FBN1: variants seen among roughly 807,000 people sequenced by gnomAD.
FBN1 encodes the protein fibrillin 1.
Under a neutral mutation model 365.1 loss-of-function variants are expected in FBN1, and 29 were observed. That is an observed-to-expected ratio of 0.08 (90% confidence interval 0.06 to 0.11). The LOEUF is 0.11. FBN1 is among the 10% of genes least tolerant of loss of function. The probability of loss-of-function intolerance (pLI) is 1.00; values close to 1 mark genes in which losing one functional copy is unlikely to be tolerated. For synonymous variants in FBN1, 1,210 were observed against 1,270.5 expected (o/e 0.95, Z 1.01); for missense variants, 2,476 against 3,703.2 (o/e 0.67, Z 8.60).
intron 6 of FBN1, among the ~76,000 whole-genome samples, chr15:48,574,709 G>A (rs2044332433): frequency 6.6e-6 from 1 of 152,136 alleles, no homozygotes; most frequent in Non-Finnish European, 1.5e-5. Flanking sequence ...TCCAAGAAAT[G>A]TTAATAAAAT....
chr15:48,512,731 G>A (rs1051090250), intron 13 of FBN1, among the ~76,000 whole-genome samples: 4 of 151,376 alleles, frequency 2.6e-5, no homozygotes, highest in Admixed American at 6.6e-5. Context: ...ATCATTGATG[G>A]GCCCTTTTAT....
chr15:48,570,005 A>G (rs907137860), intron 6 of FBN1, among the ~76,000 whole-genome samples: 3 of 152,200 alleles, frequency 2.0e-5, no homozygotes, highest in Non-Finnish European at 2.9e-5. Context: ...TCAATTCACA[A>G]ACCAATTCTT....
At chr15:48,417,469 T>TTCCTTCCTTCCC (rs752328232) in intron 63 of FBN1, among the ~76,000 whole-genome samples, 1 of 33,544 alleles carries the variant, frequency 3.0e-5, no homozygotes, top group African/African-American at 8.1e-5. Context: ...CCTTCCTTCC[T>TTCCTTCCTTCCC]TTCCTTCCTT....
At chr15:48,523,725 A>T (rs966529462) in intron 9 of FBN1, among the ~76,000 whole-genome samples, 3 of 138,052 alleles carry the variant, frequency 2.2e-5, no homozygotes, top group Admixed American at 7.0e-5. Flanking sequence ...GGGGGGGGGA[A>T]CCGTTGTGGT....
At chr15:48,586,480 C>G (rs2044435801) in intron 6 of FBN1, among the ~76,000 whole-genome samples, 1 of 152,174 alleles carries the variant, frequency 6.6e-6, no homozygotes, top group Non-Finnish European at 1.5e-5. Context: ...ACTCCTAGTT[C>G]TAGAAGTAGT....
chr15:48,572,257 C>T (rs184081932), intron 6 of FBN1, among the ~76,000 whole-genome samples: 125 of 152,186 alleles, frequency 8.2e-4, no homozygotes, highest in Middle Eastern at 6.8e-3. Flanking sequence ...AAATTCTGAA[C>T]ATTATAAATG....
rs548296552 is a variant in FBN1, at chr15:48,490,007, G to A, written c.2926C>T (p.Arg976Cys). The change falls in exon 25 of 66, where the codon CGC (arginine) becomes TGC (cysteine). Residue 976 changes from arginine (R) to cysteine (C), a missense_variant. Coordinates refer to ENST00000316623, the MANE Select transcript of FBN1 (RefSeq NM_000138.5). ...ECTLPIAGRH[R>C]MDACCCSVGA... is the part of the protein sequence containing the mutation. ...ACGGAGCAGCAGCAGGCGTCCATGC[G>A]GTGGCGGCCAGCAATAGGCAGGGTG... The A allele has an allele frequency of 1.3e-5, 21 of 1,614,072 alleles. No individual in the cohort carries two copies. Among genetic ancestry groups the A allele is most frequent in the South Asian group, 6.6e-5 (6 of 91,072 alleles).
intron 4 of FBN1, among the ~76,000 whole-genome samples, chr15:48,607,144 A>T (rs1051007144): frequency 1.3e-5 from 2 of 152,194 alleles, no homozygotes; most frequent in Admixed American, 1.3e-4. Context: ...ACTGTTTGTA[A>T]ATCTACAATT....
chr15:48,615,060 G>A (rs982077962), intron 2 of FBN1, among the ~76,000 whole-genome samples: 1 of 152,118 alleles, frequency 6.6e-6, no homozygotes, highest in African/African-American at 2.4e-5. Flanking sequence ...GTAGACAGCT[G>A]GGGTAGAGGG....
Position 48,483,890 on chromosome 15 carries a change from T to C in FBN1, c.3766A>G (p.Asn1256Asp), listed in dbSNP as rs772890884. 1.4e-5 allele frequency: 22 copies of C among 1,613,670 alleles called. No individual in the cohort carries two copies. Among genetic ancestry groups the C allele is most frequent in the Middle Eastern group, 1.7e-4 (1 of 6,060 alleles). The change falls in exon 31 of 66, where the codon AAT (asparagine) becomes GAT (aspartate). Residue 1256 changes from asparagine (N) to aspartate (D), a missense_variant. Physicochemically the swap from Asn to Asp is conservative, Grantham distance 23. Transcript: ENST00000316623. Reference protein sequence around the residue: ...PNICDGGQCTNIPGEYRCLCY... With the variant: ...PNICDGGQCTDIPGEYRCLCY... ...AAGCACCTGTACTCTCCAGGGATAT[T>C]TGTGCACTGACCACCATCACAGATA...
chr15:48,449,342 A>G (rs2043182935), intron 45 of FBN1, among the ~76,000 whole-genome samples: 1 of 152,182 alleles, frequency 6.6e-6, no homozygotes, highest in Admixed American at 6.5e-5. Context: ...GTTTTTCTTG[A>G]TGGACAACCT....
intron 25 of FBN1, 67 bp downstream of exon 25, chr15:48,489,784 A>G (rs925235102): frequency 2.5e-6 from 3 of 1,221,320 alleles, no homozygotes; most frequent in Non-Finnish European, 3.6e-6. Flanking sequence ...GAGTGCTGAG[A>G]TCATGAAAAT....
chr15:48,577,407 T>C (rs550629762), intron 6 of FBN1, among the ~76,000 whole-genome samples: 1 of 152,330 alleles, frequency 6.6e-6, no homozygotes, highest in South Asian at 2.1e-4. Flanking sequence ...TTTTCTCTTG[T>C]ATAATTTGAG....
At chr15:48,442,782 C>T (rs375269344) in intron 49 of FBN1, among the ~76,000 whole-genome samples, 23 of 152,340 alleles carry the variant, frequency 1.5e-4, no homozygotes, top group African/African-American at 5.3e-4. Flanking sequence ...AACAAACTCA[C>T]TTATCTTTCC....
chr15:48,411,119 T>C lies in FBN1; in HGVS notation c.8487A>G (p.Leu2829=), dbSNP rs2042857927. The C allele has an allele frequency of 6.2e-7, 1 of 1,614,192 alleles. No individual in the cohort carries two copies. Among genetic ancestry groups the C allele is most frequent in the Non-Finnish European group, 8.5e-7 (1 of 1,180,032 alleles). ...KKKPVAGTYS[L]QISSTPLYKK... The stretch of plus-strand genomic sequence containing the variant: ...TATAAAGTGGAGTACTACTGATTTG[T>C]AATGAATAGGTTCCAGCCACTGGCT... The change falls in exon 66 of 66, where the codon TTA becomes TTG. Residue 2829 remains leucine, a synonymous_variant. Transcript: ENST00000316623.
In FBN1 at chr15:48,575,749, T is replaced by A. The variant is rs1017124657; in HGVS notation, c.538+20534A>T. Among the ~76,000 whole-genome samples, 3 of 151,572 alleles carry A rather than the reference T, an allele frequency of 2.0e-5. No homozygotes were observed. In the East Asian group the frequency reaches 5.8e-4, roughly 29 times the overall value. On this transcript the variant is annotated intron_variant, in intron 6 of 65. Coordinates refer to ENST00000316623, the MANE Select transcript of FBN1 (RefSeq NM_000138.5). ...CAGCACTATTCCCAAAGCAAAGATA[T>A]AGAATCAACATAAGGATTCATCAAT... is the stretch of plus-strand genomic sequence containing the variant.
chr15:48,509,343 GGGA>G (rs891909882), intron 14 of FBN1, among the ~76,000 whole-genome samples: 11 of 151,046 alleles, frequency 7.3e-5, no homozygotes, highest in Non-Finnish European at 1.3e-4. Context: ...AAGCTGTCTT[GGGA>G]GGCACTTGCT....
rs1555398672 is a variant in FBN1, at chr15:48,488,431, CA to C, written c.3144del (p.Ile1048MetfsTer40). ...LCTHGKCRNT[I>X]GSFKCRCDSG... ...CTGTCACACCTGCACTTAAAGCTGC[CA>C]ATGGTGTTTCTGCACTTGCCGTGGG... On this transcript the variant is annotated frameshift_variant, in exon 26 of 66. Coordinates refer to ENST00000316623, the MANE Select transcript of FBN1 (RefSeq NM_000138.5). LOFTEE classifies it high-confidence loss of function. 1 of 1,614,026 alleles carries C rather than the reference CA, an allele frequency of 6.2e-7. No homozygotes were observed. The highest frequency in any genetic ancestry group is 1.3e-5 in the African/African-American group (1 of 74,908).
intron 10 of FBN1, among the ~76,000 whole-genome samples, 159 bp downstream of exon 10, chr15:48,520,500 T>C (rs2043842560): frequency 1.3e-5 from 2 of 152,156 alleles, no homozygotes; most frequent in African/African-American, 4.8e-5. Context: ...TTTTTTTTCC[T>C]GTGCATTTTC....
Sources: allele counts gnomAD v4.1 joint callset (sites outside exome capture counted in the v4.1 genomes callset), GRCh38; gene constraint gnomAD v4.1.1; transcripts MANE v1.5; gene names NCBI Gene and HGNC (gene_info 2026-07-23, HGNC 2026-07-21).